The following CCDC85C variants were observed in gnomAD, a reference collection of about 807,000 sequenced individuals.
The protein encoded by CCDC85C is coiled-coil domain containing 85C, also known as coiled-coil domain-containing protein 85C.
Under a neutral mutation model 38.3 loss-of-function variants are expected in CCDC85C, and 18 were observed. The observed-to-expected ratio is 0.47, with a 90% CI of 0.33 to 0.70. CCDC85C has a LOEUF of 0.70. Ranked by LOEUF, CCDC85C falls within the 30% of genes least tolerant of loss-of-function variation. CCDC85C has a pLI of 0.03. For missense variants in CCDC85C, 566 were observed against 621.2 expected (o/e 0.91, Z 0.94); for synonymous variants, 264 against 293.8 (o/e 0.90, Z 1.04).
chr14:99,510,104 A>T lies in CCDC85C; in HGVS notation c.*5142T>A. ...GCCCTGAAGGGCCAGGAGGCACTGA[A>T]AAAGCAACCATTGCTGGCGGAGGCC... On this transcript the variant is annotated 3_prime_UTR_variant, in exon 6 of 6. Coordinates refer to ENST00000380243, the MANE Select transcript of CCDC85C (RefSeq NM_001144995.2). 1.3e-6 allele frequency: 2 copies of T among 1,538,442 alleles called. No homozygotes were observed. Among genetic ancestry groups the T allele is most frequent in the South Asian group, 2.5e-5 (2 of 80,544 alleles).
chr14:99,538,372 C>T (rs959267985), intron 1 of CCDC85C, among the ~76,000 whole-genome samples: 3 of 152,238 alleles, frequency 2.0e-5, no homozygotes, highest in African/African-American at 7.2e-5. Context: ...TTCCCAGTCA[C>T]ACCACTCTCC....
chr14:99,547,571 C>G (rs1595356474), intron 1 of CCDC85C, among the ~76,000 whole-genome samples: 1 of 151,988 alleles, frequency 6.6e-6, no homozygotes, highest in African/African-American at 2.4e-5. Context: ...GCCAGGAGTT[C>G]GAGACTAGCC....
intron 1 of CCDC85C, among the ~76,000 whole-genome samples, chr14:99,554,273 C>T (rs187026551): frequency 1.2e-4 from 18 of 152,276 alleles, no homozygotes; most frequent in Middle Eastern, 6.8e-3. Flanking sequence ...CATCCCAGCA[C>T]ACAAGCCCCA....
At chr14:99,563,809 C>G (rs1898163884) in intron 1 of CCDC85C, among the ~76,000 whole-genome samples, 1 of 152,226 alleles carries the variant, frequency 6.6e-6, no homozygotes, top group South Asian at 2.1e-4. Flanking sequence ...GGAATAAATT[C>G]ACTGTGCCAT....
rs1470163122 is a variant in CCDC85C, at chr14:99,558,746, A to G, written c.794-22658T>C. 4.6e-5 allele frequency among the ~76,000 whole-genome samples: 7 copies of G among 152,260 alleles called. No homozygotes were observed. Among genetic ancestry groups the G allele is most frequent in the Non-Finnish European group, 1.5e-5 (1 of 68,044 alleles). ...AGGCAGACATGGGAGAGATGAGGCC[A>G]CAAGCCAAGGAACACCAGGAGTCAT... is the stretch of plus-strand genomic sequence containing the variant. On this transcript the variant is annotated intron_variant, in intron 1 of 5. Transcript: ENST00000380243. The surrounding 1 kb of genome is among the most constrained non-coding windows in gnomAD (Gnocchi z 4.2).
Position 99,510,805 on chromosome 14 carries a change from G to A in CCDC85C, c.*4441C>T. The stretch of plus-strand genomic sequence containing the variant: ...TAACGTGAGCCTTTTTTCCCTCTTT[G>A]TTTTTTTAACAAGATTTTCTAATCG... On this transcript the variant is annotated 3_prime_UTR_variant, in exon 6 of 6. Transcript: ENST00000380243. 1.4e-6 allele frequency: 2 copies of A among 1,409,160 alleles called. No individual in the cohort carries two copies. The highest frequency in any genetic ancestry group is 1.9e-6 in the Non-Finnish European group (2 of 1,080,932). The allele number at this position is 1,409,160 out of a possible 1,614,324, so 87.3% of individuals were successfully genotyped here.
At chr14:99,551,595 G>A (rs906046040) in intron 1 of CCDC85C, among the ~76,000 whole-genome samples, 3 of 149,586 alleles carry the variant, frequency 2.0e-5, no homozygotes, top group Middle Eastern at 6.9e-3. Context: ...GTGGGTGAGA[G>A]GTGAGTGTGC....
chr14:99,548,071 G>A lies in CCDC85C; in HGVS notation c.794-11983C>T, dbSNP rs1183332658. 3.3e-5 allele frequency among the ~76,000 whole-genome samples: 5 copies of A among 152,100 alleles called. No homozygotes were observed. The highest frequency in any genetic ancestry group is 2.6e-4 in the Admixed American group (4 of 15,270). ...AAAAAGAACAAACCATGAAGGGAAC[G>A]ACCGTGAAACCCGACTATATGAGGA... On this transcript the variant is annotated intron_variant, in intron 1 of 5. Coordinates refer to ENST00000380243, the MANE Select transcript of CCDC85C (RefSeq NM_001144995.2). This position sits in a 1 kb window ranked among gnomAD's most constrained non-coding sequence, Gnocchi z 4.9.
At position 99,550,904 on chromosome 14, in the gene CCDC85C, C is replaced by T. The variant is rs574833908; in HGVS notation, c.794-14816G>A. On this transcript the variant is annotated intron_variant, in intron 1 of 5. Transcript: ENST00000380243. ...ACTCCTCCAATATACGACTGCTCAC[C>T]TGGGTCCAGCTCGACCAAGCTGCTG... Among the ~76,000 whole-genome samples, 131 of 152,294 alleles carry T rather than the reference C, an allele frequency of 8.6e-4. 4 individuals are homozygous for T. In the South Asian group the frequency reaches 0.026, roughly 30 times the overall value.
At chr14:99,521,441 G>A (rs1235873807) in intron 3 of CCDC85C, among the ~76,000 whole-genome samples, 1 of 152,206 alleles carries the variant, frequency 6.6e-6, no homozygotes, top group Non-Finnish European at 1.5e-5. Flanking sequence ...GCAGGAAGGG[G>A]CACAGCTGCT....
intron 1 of CCDC85C, among the ~76,000 whole-genome samples, chr14:99,568,306 G>A (rs977927307): frequency 2.8e-5 from 4 of 145,170 alleles, no homozygotes; most frequent in Admixed American, 7.1e-5. Context: ...AGGCTGGAGT[G>A]CAATGGCACG....
At position 99,544,587 on chromosome 14, in the gene CCDC85C, G is replaced by A. The variant is rs1001435969; in HGVS notation, c.794-8499C>T. Among the ~76,000 whole-genome samples the A allele has an allele frequency of 6.6e-6, 1 of 151,966 alleles. No homozygotes were observed. The highest frequency in any genetic ancestry group is 2.4e-5 in the African/African-American group (1 of 41,366). On this transcript the variant is annotated intron_variant, in intron 1 of 5. Coordinates refer to ENST00000380243, the MANE Select transcript of CCDC85C (RefSeq NM_001144995.2). This position sits in a 1 kb window ranked among gnomAD's most constrained non-coding sequence, Gnocchi z 5.3. ...CCACTGAGGCAGGGGATGGGGCTTG[G>A]AAGACAGCCTGACTCCCCTCTCCCA...
At position 99,500,751 on chromosome 14, in the gene CCDC85C, G is replaced by A; in HGVS notation, c.*14495C>T. Reference sequence around the variant, plus strand: ...AATTGTAATTACTGTCCTAACATTTGTGATTGATTTTTAGGAGGAAGTAAT... The same window carrying A: ...AATTGTAATTACTGTCCTAACATTTATGATTGATTTTTAGGAGGAAGTAAT... On this transcript the variant is annotated 3_prime_UTR_variant, in exon 6 of 6. Transcript: ENST00000380243. 6.7e-7 allele frequency: 1 copy of A among 1,484,068 alleles called. No individual in the cohort carries two copies. 91.9% of individuals were successfully genotyped at this position (1,484,068 alleles called of 1,614,324 possible).
chr14:99,536,262 C>T (rs1438686815), intron 1 of CCDC85C, among the ~76,000 whole-genome samples, 174 bp from the exon 2 acceptor site: 3 of 152,210 alleles, frequency 2.0e-5, no homozygotes, highest in Non-Finnish European at 4.4e-5. Flanking sequence ...GGAAACAGCA[C>T]GGCCTGTGGC....
In CCDC85C at chr14:99,579,885, C is replaced by T. The variant is rs1167779981; in HGVS notation, c.793+23282G>A. 1.2e-5 allele frequency: 4 copies of T among 337,344 alleles called. No individual in the cohort carries two copies. In the East Asian group the frequency reaches 3.7e-4, roughly 31 times the overall value. 20.9% of individuals were successfully genotyped at this position (337,344 alleles called of 1,614,324 possible). On this transcript the variant is annotated intron_variant, in intron 1 of 5. Coordinates refer to ENST00000380243, the MANE Select transcript of CCDC85C (RefSeq NM_001144995.2). ...GGTTGTTGGTCGTTAGGCTGTCTAC[C>T]AGAGGTCGCCCAAGGCCAGGCCACC...
intron 2 of CCDC85C, 44 bp from the exon 3 acceptor site, chr14:99,522,284 G>T: frequency 6.9e-7 from 1 of 1,443,396 alleles, no homozygotes; most frequent in South Asian, 1.2e-5. Context: ...GGGCCAGGCT[G>T]AGGAGGACAA....
At chr14:99,575,074 G>A (rs1022791662) in intron 1 of CCDC85C, among the ~76,000 whole-genome samples, 5 of 152,336 alleles carry the variant, frequency 3.3e-5, no homozygotes, top group East Asian at 3.9e-4. Context: ...CATCTGGAAC[G>A]GGGCTTGGTC....
chr14:99,501,304 G>A lies in CCDC85C; in HGVS notation c.*13942C>T. 8.8e-7 allele frequency: 1 copy of A among 1,142,726 alleles called. No homozygotes were observed. 70.8% of individuals were successfully genotyped at this position (1,142,726 alleles called of 1,614,324 possible). On this transcript the variant is annotated 3_prime_UTR_variant, in exon 6 of 6. Transcript: ENST00000380243. ...AGGTTTTTAATAAATACTTGATGCT[G>A]CCTGTGAATTTTTCTATTGCTATTA...
At chr14:99,591,428 G>A (rs954683680) in intron 1 of CCDC85C, among the ~76,000 whole-genome samples, 13 of 151,962 alleles carry the variant, frequency 8.6e-5, no homozygotes, top group Non-Finnish European at 1.3e-4. Context: ...GGGCTGCGGA[G>A]GCTGCCACGG....
Sources: gnomAD v4.1 joint callset for allele counts (sites outside exome capture counted in the v4.1 genomes callset) on GRCh38, gnomAD v4.1.1 for gene constraint, Gnocchi (gnomAD v3.1) non-coding constraint, MANE v1.5 for transcripts, NCBI Gene and HGNC (gene_info 2026-07-23, HGNC 2026-07-21) for gene names.